The following RPA2 variants were observed in gnomAD, a reference collection of about 807,000 sequenced individuals.
RPA2 encodes replication protein A2.
A neutral mutation model predicts 33.4 loss-of-function variants in RPA2; 22 were observed. The observed-to-expected ratio is 0.66, with a 90% CI of 0.47 to 0.94. The LOEUF (loss-of-function observed/expected upper bound fraction) is 0.94, where lower values mean the gene tolerates loss of function less well. RPA2 is among the 40% of genes least tolerant of loss of function. RPA2 has a pLI of 0.00. For synonymous variants in RPA2, 109 were observed against 114.9 expected (o/e 0.95, Z 0.33); for missense variants, 279 against 329.9 (o/e 0.85, Z 1.19).
At chr1:27,909,685 G>A (rs2090074033) in intron 2 of RPA2, among the ~76,000 whole-genome samples, 1 of 151,622 alleles carries the variant, frequency 6.6e-6, no homozygotes, top group Non-Finnish European at 1.5e-5. Context: ...TTGCACTCCA[G>A]CCTGGGCAAC....
At position 27,894,068 on chromosome 1, in the gene RPA2, C is replaced by T; in HGVS notation, c.672G>A (p.Gly224=). The T allele has an allele frequency of 6.2e-7, 1 of 1,614,142 alleles. No homozygotes were observed. The highest frequency in any genetic ancestry group is 1.1e-5 in the South Asian group (1 of 91,082). Residue 224 remains glycine, a synonymous_variant, in exon 8 of 9, where the codon GGG becomes GGA. Transcript: ENST00000373912. ...GGTTCTTGAGATCCTGAAAGTTCAA[C>T]CCTTCAGGTCTTGGACAAGCCTTAA... The part of the protein sequence containing the change: ...NLIKACPRPE[G]LNFQDLKNQL...
In RPA2 at chr1:27,892,170, G is replaced by C. The variant is rs1439443744; in HGVS notation, c.806C>G (p.Ala269Gly). 3.1e-6 allele frequency: 5 copies of C among 1,610,970 alleles called. No individual in the cohort carries two copies. The highest frequency in any genetic ancestry group is 4.2e-6 in the Non-Finnish European group (5 of 1,177,508). ...VDDDHFKSTD[A>G]E ...GTACCCAGTTAGATCCAGTTATTCT[G>C]CATCTGTGGATTTAAAATGGTCATC... Residue 269 changes from alanine (A) to glycine (G), a missense_variant, in exon 9 of 9, where the codon GCA becomes GGA. This residue lies in a region of RPA2 where 5 missense variants were observed against 19.6 expected (regional missense o/e 0.26). Coordinates refer to ENST00000373912, the MANE Select transcript of RPA2 (RefSeq NM_002946.5).
intron 4 of RPA2, among the ~76,000 whole-genome samples, chr1:27,901,509 C>T (rs1193758511): frequency 4.0e-5 from 6 of 151,852 alleles, no homozygotes; most frequent in African/African-American, 1.2e-4. Context: ...ATTACAGGTG[C>T]CCACAACCAC....
chr1:27,897,539 G>T, intron 5 of RPA2, 94 bp downstream of exon 5: 1 of 779,134 alleles, frequency 1.3e-6, no homozygotes, highest in Non-Finnish European at 2.0e-6. Context: ...TAAACAGGGA[G>T]ACTTAAGTAT....
At chr1:27,897,303 G>A (rs1056168765) in intron 5 of RPA2, among the ~76,000 whole-genome samples, 182 bp from the exon 6 acceptor site, 1 of 144,394 alleles carries the variant, frequency 6.9e-6, no homozygotes, top group African/African-American at 2.4e-5. Flanking sequence ...AAAACTAATA[G>A]CTAAGGGACA....
At chr1:27,892,382 T>G in intron 8 of RPA2, 135 bp from the exon 9 acceptor site, 1 of 668,954 alleles carries the variant, frequency 1.5e-6, no homozygotes. Flanking sequence ...ACAAGTATTC[T>G]GCACATAGAA....
chr1:27,904,100 G>T (rs889615930), intron 4 of RPA2, among the ~76,000 whole-genome samples: 25 of 151,372 alleles, frequency 1.7e-4, no homozygotes, highest in Non-Finnish European at 3.4e-4. Flanking sequence ...GGAGGCGGAG[G>T]TTGTGGTGAG....
intron 4 of RPA2, among the ~76,000 whole-genome samples, chr1:27,899,316 G>A (rs1258659604): frequency 6.6e-6 from 1 of 151,994 alleles, no homozygotes; most frequent in Non-Finnish European, 1.5e-5. Context: ...AGACCAGCCT[G>A]GCTAACAGGG....
intron 2 of RPA2, among the ~76,000 whole-genome samples, chr1:27,912,892 T>A (rs979736155): frequency 2.0e-5 from 3 of 152,186 alleles, no homozygotes; most frequent in Non-Finnish European, 4.4e-5. Flanking sequence ...ATGTGTCCAG[T>A]GACACCCTAT....
In RPA2 at chr1:27,906,884, C is replaced by T. The variant is rs766726151; in HGVS notation, c.333+44G>A. On this transcript the variant is annotated intron_variant, in intron 4 of 8. Coordinates refer to ENST00000373912, the MANE Select transcript of RPA2 (RefSeq NM_002946.5). ...AGACTAAAAAAGTTCAACATCTCCA[C>T]AGTTCCAAAGTAACCCCATCATGAT... is the stretch of plus-strand genomic sequence containing the variant. The T allele has an allele frequency of 8.1e-6, 11 of 1,364,208 alleles. No individual in the cohort carries two copies. In the South Asian group the frequency reaches 1.0e-4, roughly 13 times the overall value. The allele number at this position is 1,364,208 out of a possible 1,614,324, so 84.5% of individuals were successfully genotyped here.
intron 4 of RPA2, among the ~76,000 whole-genome samples, chr1:27,902,534 T>C (rs959241432): frequency 6.6e-6 from 1 of 152,116 alleles, no homozygotes; most frequent in African/African-American, 2.4e-5. Flanking sequence ...TCCACTCATC[T>C]TGGCCTCCCC....
At chr1:27,907,788 T>G (rs2090049565) in intron 2 of RPA2, among the ~76,000 whole-genome samples, 1 of 152,216 alleles carries the variant, frequency 6.6e-6, no homozygotes, top group Admixed American at 6.5e-5. Context: ...ACAGATTTTT[T>G]GACTATCAAA....
intron 2 of RPA2, among the ~76,000 whole-genome samples, chr1:27,908,547 G>GT (rs1425443388): frequency 6.6e-6 from 1 of 151,930 alleles, no homozygotes; most frequent in Admixed American, 6.6e-5. Context: ...CTAGGCTGGA[G>GT]TGTGGTGGCG....
At chr1:27,903,611 C>G (rs769035325) in intron 4 of RPA2, among the ~76,000 whole-genome samples, 1 of 151,180 alleles carries the variant, frequency 6.6e-6, no homozygotes, top group Non-Finnish European at 1.5e-5. Context: ...CCCAACTACT[C>G]GAGAGGCTGA....
At chr1:27,902,177 C>T (rs941629048) in intron 4 of RPA2, among the ~76,000 whole-genome samples, 3 of 152,174 alleles carry the variant, frequency 2.0e-5, no homozygotes, top group African/African-American at 7.2e-5. Flanking sequence ...ACCTCCATCT[C>T]CCAGGCTCAA....
At chr1:27,903,125 C>G (rs2089987261) in intron 4 of RPA2, among the ~76,000 whole-genome samples, 1 of 152,028 alleles carries the variant, frequency 6.6e-6, no homozygotes, top group Non-Finnish European at 1.5e-5. Context: ...GATGGGGTTT[C>G]ACCATGTTGG....
intron 2 of RPA2, among the ~76,000 whole-genome samples, chr1:27,907,988 A>G (rs1448467676): frequency 2.0e-5 from 3 of 152,044 alleles, no homozygotes; most frequent in Admixed American, 6.6e-5. Context: ...AGCTGGGACT[A>G]TATGTGCCAG....
At chr1:27,893,734 AG>A (rs28904900) in intron 8 of RPA2, among the ~76,000 whole-genome samples, 4,106 of 151,900 alleles carry the variant, frequency 0.027, 194 homozygotes, top group African/African-American at 0.094. Flanking sequence ...TAGCCTCCGG[AG>A]TGGCCGGGAT....
At position 27,913,347 on chromosome 1, in the gene RPA2, G is replaced by GAAA. The variant is rs762641825; in HGVS notation, c.117+715_117+716insTTT. ...CTCACGCCTGTAATCCCAACACTTTGGGAGGCTGAGGCGGGTGGATTACCT... is the reference window on the plus strand; with the variant it reads ...CTCACGCCTGTAATCCCAACACTTTGAAAGGAGGCTGAGGCGGGTGGATTACCT... On this transcript the variant is annotated intron_variant, in intron 2 of 8. Coordinates refer to ENST00000373912, the MANE Select transcript of RPA2 (RefSeq NM_002946.5). 5.0e-3 allele frequency among the ~76,000 whole-genome samples: 752 copies of GAAA among 151,590 alleles called. 4 individuals carry two copies. The highest frequency in any genetic ancestry group is 8.1e-3 in the Non-Finnish European group (546 of 67,812).
Sources: gnomAD v4.1 joint callset for allele counts (sites outside exome capture counted in the v4.1 genomes callset) on GRCh38, gnomAD v4.1.1 for gene constraint, gnomAD v4.1.1 regional missense constraint, MANE v1.5 for transcripts, NCBI Gene and HGNC (gene_info 2026-07-23, HGNC 2026-07-21) for gene names.